Variants in CPLANE1 observed in about 807,000 individuals in gnomAD.
CPLANE1 encodes ciliogenesis and planar polarity effector complex subunit 1, also known as ciliogenesis and planar polarity effector 1.
In CPLANE1, 263 loss-of-function variants were observed where a neutral mutation model predicts 362.5. That is an observed-to-expected ratio of 0.73 (90% CI 0.66 to 0.80). The LOEUF (loss-of-function observed/expected upper bound fraction) is 0.80. Among genes scored for constraint, CPLANE1 ranks in the 30% least tolerant of loss-of-function variants. The pLI is 0.00. For missense variants in CPLANE1, 3,461 were observed against 3,793.4 expected (o/e 0.91, Z 2.30); for synonymous variants, 1,212 against 1,302.6 (o/e 0.93, Z 1.50).
intron 43 of CPLANE1, among the ~76,000 whole-genome samples, chr5:37,143,415 G>A (rs968610345): frequency 6.6e-6 from 1 of 151,974 alleles, no homozygotes; most frequent in Non-Finnish European, 1.5e-5. Context: ...CATAGGAACA[G>A]CAATAAAAAA....
chr5:37,076,429 A>C, the CPLANE1 span, among the ~76,000 whole-genome samples: 1 of 152,086 alleles, frequency 6.6e-6, no homozygotes, highest in Non-Finnish European at 1.5e-5. Flanking sequence ...CTCATGCCTT[A>C]GCCTCCCGAA....
chr5:37,141,447 A>G (rs773712251), intron 44 of CPLANE1: 6 of 984,586 alleles, frequency 6.1e-6, no homozygotes, highest in Non-Finnish European at 7.2e-6. Flanking sequence ...TGTGAAGTGG[A>G]AATTATTATC....
downstream of CPLANE1, among the ~76,000 whole-genome samples, chr5:37,101,528 G>C (rs1561261699): frequency 6.6e-6 from 1 of 152,104 alleles, no homozygotes; most frequent in Non-Finnish European, 1.5e-5. Flanking sequence ...GAGAATTTTT[G>C]TATCAATGTT....
the CPLANE1 span, among the ~76,000 whole-genome samples, chr5:37,081,580 C>A: frequency 2.0e-5 from 3 of 151,994 alleles, no homozygotes; most frequent in African/African-American, 7.2e-5. Flanking sequence ...ACCTCAGCCT[C>A]CCAAAGCGCT....
intron 14 of CPLANE1, among the ~76,000 whole-genome samples, chr5:37,223,332 GTTC>G (rs10607349): frequency 0.053 from 8,084 of 152,160 alleles, 662 homozygotes; most frequent in African/African-American, 0.18. Context: ...GTATTGAGGT[GTTC>G]TTCTGTGCTC....
At chr5:37,196,020 A>T (rs767995945) in intron 20 of CPLANE1, 24 bp from the exon 21 acceptor site, 3 of 1,576,600 alleles carry the variant, frequency 1.9e-6, no homozygotes, top group Non-Finnish European at 2.6e-6. Context: ...ATAACCGAAC[A>T]TGTTAATTAT....
chr5:37,184,127 CT>C (rs931338383), intron 25 of CPLANE1, among the ~76,000 whole-genome samples: 2 of 152,168 alleles, frequency 1.3e-5, no homozygotes, highest in African/African-American at 4.8e-5. Flanking sequence ...CTCAGCTCCC[CT>C]AATACCATGT....
At chr5:37,122,512 T>C in intron 47 of CPLANE1, 24 bp from the exon 48 acceptor site, 1 of 1,555,196 alleles carries the variant, frequency 6.4e-7, no homozygotes, top group South Asian at 1.1e-5. Context: ...ACCCAGTTGG[T>C]TCATTATTGT....
intron 16 of CPLANE1, chr5:37,211,278 C>A: frequency 6.6e-7 from 1 of 1,517,678 alleles, no homozygotes; most frequent in Non-Finnish European, 9.0e-7. Context: ...CAAACAGCTT[C>A]AGCAAGAGGC....
At chr5:37,181,711 A>C (rs1782699798) in intron 26 of CPLANE1, among the ~76,000 whole-genome samples, 1 of 152,130 alleles carries the variant, frequency 6.6e-6, no homozygotes, top group Admixed American at 6.6e-5. Flanking sequence ...GCTGCTTGGA[A>C]GATTCAAGTG....
intron 47 of CPLANE1, chr5:37,124,862 A>G: frequency 1.0e-6 from 1 of 1,004,336 alleles, no homozygotes; most frequent in Non-Finnish European, 1.2e-6. Context: ...GGGAGCAGGC[A>G]TAGAAGAGTG....
chr5:37,210,341 G>T, intron 16 of CPLANE1: 1 of 1,264,862 alleles, frequency 7.9e-7, no homozygotes, highest in Non-Finnish European at 1.2e-6. Flanking sequence ...GTATGACTGA[G>T]GCACTTAGGA....
rs939883750 is a variant in CPLANE1 at position 37,177,526 on chromosome 5, C to A, written c.5900+95G>T. ...CAGTTTCACTAGAAACACAATACCA[C>A]CCTAAATCATGTATTGTAAATTATG... On this transcript the variant is annotated intron_variant, in intron 30 of 52. Transcript: ENST00000651892. 5 of 855,464 alleles carry A rather than the reference C, an allele frequency of 5.8e-6. No homozygotes were observed. In the Admixed American group the frequency reaches 8.6e-5, roughly 15 times the overall value. 53.0% of individuals were successfully genotyped at this position (855,464 alleles called of 1,614,324 possible). A position where few individuals can be genotyped will look rare whatever the true frequency, so the allele number is the denominator to read the frequency against.
At position 37,107,715 on chromosome 5, in the gene CPLANE1, C is replaced by A. The variant is rs757393817; in HGVS notation, c.9643G>T (p.Val3215Leu). Residue 3215 changes from valine to leucine, a missense_variant, in exon 53 of 53, where the codon GTG (valine) becomes TTG (leucine). By Grantham distance (32) the Val-to-Leu change is conservative (BLOSUM62 1). Coordinates refer to ENST00000651892, the MANE Select transcript of CPLANE1 (RefSeq NM_001384732.1). The stretch of plus-strand genomic sequence containing the variant: ...AGGATGCTGCCAGTGCTCTCAGACA[C>A]GCTGTCCACACCGCCCACCCCAAAA... ...HPFGVGGVDSVSESTGSILSK... is the reference protein window; with the variant it reads ...HPFGVGGVDSLSESTGSILSK... 1.9e-6 allele frequency: 3 copies of A among 1,612,146 alleles called. No individual in the cohort carries two copies. Among genetic ancestry groups the A allele is most frequent in the East Asian group, 2.2e-5 (1 of 44,780 alleles).
intron 1 of CPLANE1, among the ~76,000 whole-genome samples, chr5:37,248,041 C>T (rs577249228): frequency 1.3e-5 from 2 of 151,986 alleles, no homozygotes; most frequent in Non-Finnish European, 2.9e-5. Context: ...CCATCCACTT[C>T]GTCCTCCCAA....
rs1775020108 is a variant in CPLANE1, at chr5:37,156,084, C to A, written c.8119+1229G>T. Among the ~76,000 whole-genome samples the A allele has an allele frequency of 2.0e-5, 3 of 152,228 alleles. No homozygotes were observed. The South Asian group carries it at 6.2e-4, about 31-fold the overall frequency. ...CATGCCCTAACACATCCTAAACCAT[C>A]CCTTCCTTGCTCCTCATGTCTCCTG... On this transcript the variant is annotated intron_variant, in intron 41 of 52. Transcript: ENST00000651892.
At chr5:37,090,426 A>T in the CPLANE1 span, among the ~76,000 whole-genome samples, 1 of 152,232 alleles carries the variant, frequency 6.6e-6, no homozygotes, top group Non-Finnish European at 1.5e-5. Context: ...CTAGGTTATG[A>T]CCCTGATGTC....
At chr5:37,138,877 A>G (rs1363990009) in intron 45 of CPLANE1, 29 bp from the exon 46 acceptor site, 1 of 1,583,568 alleles carries the variant, frequency 6.3e-7, no homozygotes, top group East Asian at 2.3e-5. Context: ...TTTAAGAAAT[A>G]TAAATCAGTA....
intron 16 of CPLANE1, among the ~76,000 whole-genome samples, chr5:37,208,156 C>T (rs554451697): frequency 4.6e-5 from 7 of 152,218 alleles, no homozygotes; most frequent in Non-Finnish European, 1.0e-4. Flanking sequence ...CATAATGTTG[C>T]CCAGGCTGAT....
Sources: gnomAD v4.1 joint callset for allele counts (sites outside exome capture counted in the v4.1 genomes callset) on GRCh38, gnomAD v4.1.1 for gene constraint, MANE v1.5 for transcripts, NCBI Gene and HGNC (gene_info 2026-07-23, HGNC 2026-07-21) for gene names.